Variants in DCAKD observed in about 807,000 individuals in gnomAD.
DCAKD encodes dephospho-CoA kinase domain-containing protein.
In DCAKD, 15 loss-of-function variants were observed where a neutral mutation model predicts 18.7. The ratio of observed to expected loss-of-function variants is 0.80; its 90% CI spans 0.54 to 1.24. DCAKD has a LOEUF of 1.24. DCAKD is among the 50% of genes most tolerant of loss of function. The probability of loss-of-function intolerance (pLI) is 0.00; values close to 1 mark genes in which losing one functional copy is unlikely to be tolerated. For synonymous variants in DCAKD, 130 were observed against 133.0 expected (o/e 0.98, Z 0.16); for missense variants, 301 against 322.0 (o/e 0.93, Z 0.50).
At chr17:45,050,803 TAAGG>T (rs148953135) in intron 1 of DCAKD, among the ~76,000 whole-genome samples, 1,564 of 151,688 alleles carry the variant, frequency 0.01, 38 homozygotes, top group African/African-American at 0.036. Flanking sequence ...TTCCCACAAC[TAAGG>T]GAGAGTGAAA....
upstream of DCAKD, among the ~76,000 whole-genome samples, chr17:45,052,854 C>T (rs1436997878): frequency 1.4e-5 from 2 of 147,276 alleles, no homozygotes; most frequent in Non-Finnish European, 3.0e-5. Flanking sequence ...CAAAACGAGA[C>T]CTTGCCTCAA....
intron 1 of DCAKD, among the ~76,000 whole-genome samples, chr17:45,038,455 T>G (rs2053354157): frequency 6.6e-6 from 1 of 152,190 alleles, no homozygotes; most frequent in African/African-American, 2.4e-5. Flanking sequence ...TGGATGCAGT[T>G]CAGGGCTCCT....
upstream of DCAKD, among the ~76,000 whole-genome samples, chr17:45,052,661 C>T (rs974528133): frequency 2.0e-5 from 3 of 150,662 alleles, no homozygotes; most frequent in African/African-American, 7.4e-5. Context: ...TCGAGACCAG[C>T]CTAAACAAGA....
Position 45,024,634 on chromosome 17 carries a change from CA to C in DCAKD, c.494del (p.Leu165ArgfsTer12). On this transcript the variant is annotated frameshift_variant, in exon 5 of 5. Transcript: ENST00000651974. LOFTEE classifies it high-confidence loss of function. ...AEARINAQLP[L>X]TDKARMARHV... ...GGCGGGCCATGCGGGCCTTGTCTGT[CA>C]GGGGCAGCTGGGCATTGATGCGGGC... 6.2e-7 allele frequency: 1 copy of C among 1,613,450 alleles called. No individual in the cohort carries two copies. Among genetic ancestry groups the C allele is most frequent in the Non-Finnish European group, 8.5e-7 (1 of 1,179,474 alleles).
At chr17:45,037,368 G>T (rs918788406) in intron 1 of DCAKD, among the ~76,000 whole-genome samples, 1 of 151,968 alleles carries the variant, frequency 6.6e-6, no homozygotes, top group African/African-American at 2.4e-5. Flanking sequence ...GTCACAAAAA[G>T]GACAGGGTTC....
chr17:45,044,450 C>T lies in DCAKD; in HGVS notation c.-115+6911G>A, dbSNP rs967298313. Among the ~76,000 whole-genome samples, 18 of 152,240 alleles carry T rather than the reference C, an allele frequency of 1.2e-4. No individual in the cohort carries two copies. The South Asian group carries it at 2.5e-3, about 21-fold the overall frequency. ...CTGACGCCTGTAATCCCAACACTTT[C>T]GGAGGCTGAGGCAGGCGGGTCACCT... On this transcript the variant is annotated intron_variant, in intron 1 of 4. Transcript: ENST00000651974.
At chr17:45,025,161 T>C (rs1179356656) in intron 4 of DCAKD, among the ~76,000 whole-genome samples, 2 of 152,032 alleles carry the variant, frequency 1.3e-5, no homozygotes, top group Non-Finnish European at 2.9e-5. Context: ...GGCCTATGCC[T>C]ATGAGCTAGA....
At chr17:45,037,478 T>A (rs374696766) in intron 1 of DCAKD, among the ~76,000 whole-genome samples, 1 of 151,906 alleles carries the variant, frequency 6.6e-6, no homozygotes, top group Non-Finnish European at 1.5e-5. Context: ...TTTTTTTAGA[T>A]GGAATTTCAC....
upstream of DCAKD, among the ~76,000 whole-genome samples, chr17:45,055,010 G>A (rs57499268): frequency 0.23 from 34,348 of 152,070 alleles, 4,487 homozygotes; most frequent in African/African-American, 0.35. Context: ...TCTGCCCCAG[G>A]AAGATCCCAT....
intron 3 of DCAKD, among the ~76,000 whole-genome samples, chr17:45,033,405 G>A (rs1247015949): frequency 6.6e-6 from 1 of 152,080 alleles, no homozygotes; most frequent in Non-Finnish European, 1.5e-5. Flanking sequence ...CAGTTTACAT[G>A]TGTGATTAAC....
At chr17:45,030,305 C>A in intron 3 of DCAKD, 126 bp from the exon 4 acceptor site, 1 of 780,162 alleles carries the variant, frequency 1.3e-6, no homozygotes, top group South Asian at 1.5e-5. Flanking sequence ...CACACATACC[C>A]TGCACACTGG....
At chr17:45,032,707 C>G (rs1275235973) in intron 3 of DCAKD, among the ~76,000 whole-genome samples, 1 of 151,392 alleles carries the variant, frequency 6.6e-6, no homozygotes, top group Non-Finnish European at 1.5e-5. Flanking sequence ...TCGCTTGAAC[C>G]CGGGAAGGGA....
rs370521272 is a variant in DCAKD at position 45,041,738 on chromosome 17, A to T, written c.-114-6739T>A. 4.6e-5 allele frequency among the ~76,000 whole-genome samples: 7 copies of T among 151,850 alleles called. No individual in the cohort carries two copies. The East Asian group carries it at 1.4e-3, about 29-fold the overall frequency. ...AACCAATCAGACACCAGGCACGAGA[A>T]GGGGTGGTGGGGGGAGCAGGGGAGG... On this transcript the variant is annotated intron_variant, in intron 1 of 4. Transcript: ENST00000651974.
Position 45,033,124 on chromosome 17 carries a change from T to C in DCAKD, c.316+1063A>G, listed in dbSNP as rs147142321. 2.0e-3 allele frequency among the ~76,000 whole-genome samples: 298 copies of C among 152,266 alleles called. 3 individuals carry two copies. Among genetic ancestry groups the C allele is most frequent in the African/African-American group, 6.3e-3 (260 of 41,550 alleles). ...ACTTTGGGAGGACAAGGTGGGAGGA[T>C]TGCTTGAGGCCAGGAGTTTGAGACC... On this transcript the variant is annotated intron_variant, in intron 3 of 4. Coordinates refer to ENST00000651974, the MANE Select transcript of DCAKD (RefSeq NM_001288655.2).
At chr17:45,036,603 G>A (rs1319555020) in intron 1 of DCAKD, among the ~76,000 whole-genome samples, 1 of 152,026 alleles carries the variant, frequency 6.6e-6, no homozygotes, top group East Asian at 1.9e-4. Context: ...ATGGAAGTGA[G>A]GATAGTGATA....
intron 4 of DCAKD, among the ~76,000 whole-genome samples, chr17:45,029,722 G>A (rs1017640919): frequency 6.6e-6 from 1 of 152,142 alleles, no homozygotes; most frequent in Non-Finnish European, 1.5e-5. Flanking sequence ...ATCAACACCT[G>A]TCCTGACCAC....
rs918571564 is a variant in DCAKD at position 45,031,526 on chromosome 17, C to T, written c.317-1347G>A. 8.1e-6 allele frequency: 8 copies of T among 984,926 alleles called. No homozygotes were observed. In the African/African-American group the frequency reaches 1.0e-4, roughly 13 times the overall value. The allele number at this position is 984,926 out of a possible 1,614,324, so 61.0% of individuals were successfully genotyped here. On this transcript the variant is annotated intron_variant, in intron 3 of 4. Transcript: ENST00000651974. ...CAGTACTACTCCTTCACCAGTCCCT[C>T]GCTAGGTGCCCCAAAATGATAGTTA...
At chr17:45,058,752 C>CA (rs1354226666) in intron 1 of DCAKD, among the ~76,000 whole-genome samples, 1 of 143,820 alleles carries the variant, frequency 7.0e-6, no homozygotes, top group Non-Finnish European at 1.5e-5. Flanking sequence ...TTACCTCTGA[C>CA]CCCCCCCTTC....
rs767917991 is a variant in DCAKD at position 45,034,223 on chromosome 17, C to T, written c.280G>A (p.Glu94Lys). ...TACTTGAACGTCTCCTTCATCATCT[C>T]CTTGCGAATCTCGGGGTGGGTGATG... is the stretch of plus-strand genomic sequence containing the variant. The part of the protein sequence containing the change: ...NAITHPEIRK[E>K]MMKETFKYFL... The change falls in exon 3 of 5, where the codon GAG (glutamate) becomes AAG (lysine). Residue 94 changes from glutamate (E) to lysine (K), a missense_variant. Glu to Lys is a moderately conservative substitution (Grantham distance 56). Transcript: ENST00000651974. The T allele has an allele frequency of 6.2e-7, 1 of 1,614,120 alleles. No individual in the cohort carries two copies. The highest frequency in any genetic ancestry group is 8.5e-7 in the Non-Finnish European group (1 of 1,180,022).
Sources: gnomAD v4.1 joint callset for allele counts (sites outside exome capture counted in the v4.1 genomes callset) on GRCh38, gnomAD v4.1.1 for gene constraint, MANE v1.5 for transcripts, NCBI Gene and HGNC (gene_info 2026-07-23, HGNC 2026-07-21) for gene names.